CR1: variants seen among roughly 807,000 people sequenced by gnomAD.
CR1 encodes the protein complement receptor type 1.
A neutral mutation model predicts 187.3 loss-of-function variants in CR1; 116 were observed. The observed-to-expected ratio is 0.62, with a 90% CI of 0.53 to 0.72. The LOEUF is 0.72. CR1 is among the 30% of genes least tolerant of loss of function. CR1 has a pLI of 0.00. For synonymous variants in CR1, 576 were observed against 747.1 expected, an observed-to-expected ratio of 0.77 and a Z score of 3.73; for missense variants, 1,731 against 2,110.7, an observed-to-expected ratio of 0.82 and a Z score of 3.52.
chr1:207,522,840 A>G (rs1660038733), intron 4 of CR1, among the ~76,000 whole-genome samples: 3 of 152,190 alleles, frequency 2.0e-5, no homozygotes. Flanking sequence ...ATTTGGGTTG[A>G]AGAAATTTTG....
intron 4 of CR1, among the ~76,000 whole-genome samples, chr1:207,521,370 TTCTC>T (rs958203530): frequency 4.6e-5 from 7 of 152,098 alleles, no homozygotes; most frequent in African/African-American, 1.4e-4. Context: ...TTATGCTCAG[TTCTC>T]TCTCTCTTCT....
At chr1:207,517,739 GA>G (rs1468608675) in intron 4 of CR1, among the ~76,000 whole-genome samples, 1 of 151,916 alleles carries the variant, frequency 6.6e-6, no homozygotes, top group Non-Finnish European at 1.5e-5. Flanking sequence ...ATTTTTCAAG[GA>G]ATTTACTCAT....
chr1:207,607,500 G>T (rs1661786910), intron 36 of CR1, among the ~76,000 whole-genome samples, 164 bp downstream of exon 36: 1 of 152,114 alleles, frequency 6.6e-6, no homozygotes, highest in East Asian at 1.9e-4. Flanking sequence ...TATCTTAAAA[G>T]GTGATTTATC....
At chr1:207,525,690 T>G (rs1660146038) in intron 5 of CR1, among the ~76,000 whole-genome samples, 1 of 151,948 alleles carries the variant, frequency 6.6e-6, no homozygotes, top group African/African-American at 2.4e-5. Flanking sequence ...GTTTTAAGGC[T>G]TCCTTTGCTA....
chr1:207,636,760 A>C (rs563599899), intron 46 of CR1, among the ~76,000 whole-genome samples: 1 of 152,370 alleles, frequency 6.6e-6, no homozygotes, highest in South Asian at 2.1e-4. Context: ...GGCTTTTAAT[A>C]CTTCAGTCAA....
chr1:207,582,987 A>C (rs372431394), intron 32 of CR1, among the ~76,000 whole-genome samples: 1 of 152,170 alleles, frequency 6.6e-6, no homozygotes, highest in Non-Finnish European at 1.5e-5. Flanking sequence ...CAGGCTGCCC[A>C]TAGATATGTA....
intron 45 of CR1, among the ~76,000 whole-genome samples, chr1:207,626,364 T>C (rs1446185996): frequency 6.6e-6 from 1 of 152,224 alleles, no homozygotes; most frequent in Non-Finnish European, 1.5e-5. Context: ...TGATTAATCA[T>C]GCAGTCATAC....
chr1:207,591,438 C>T (rs961164299), intron 35 of CR1, among the ~76,000 whole-genome samples: 1 of 152,134 alleles, frequency 6.6e-6, no homozygotes, highest in African/African-American at 2.4e-5. Flanking sequence ...ATCTCTGGGA[C>T]ACAGCCAAAG....
At chr1:207,518,839 C>A (rs1357184240) in intron 4 of CR1, among the ~76,000 whole-genome samples, 1 of 152,198 alleles carries the variant, frequency 6.6e-6, no homozygotes, top group African/African-American at 2.4e-5. Context: ...TACAAAGACT[C>A]TCCAAACTGG....
chr1:207,580,604 G>A lies in CR1; in HGVS notation c.5207G>A (p.Cys1736Tyr), dbSNP rs778163453. 9.9e-6 allele frequency: 16 copies of A among 1,612,438 alleles called. No homozygotes were observed. The highest frequency in any genetic ancestry group is 1.3e-5 in the African/African-American group (1 of 74,574). Residue 1736 changes from cysteine to tyrosine, a missense_variant, in exon 31 of 47, where the codon TGT becomes TAT. Physicochemically the swap from Cys to Tyr is radical, Grantham distance 194. Transcript: ENST00000367049. ...CTTGGGGCAAAGGTGTCCTTTGTCT[G>A]TGATGAAGGGTAAGTGTGACCCAGA... ...LQLGAKVSFVCDEGFRLKGSS... is the reference protein window; with the variant it reads ...LQLGAKVSFVYDEGFRLKGSS...
At position 207,506,004 on chromosome 1, in the gene CR1, C is replaced by A. The variant is rs748965603; in HGVS notation, c.222C>A (p.Arg74=). ...PIGTYLNYEC[R]PGYSGRPFSI... ...GGACATATCTGAACTATGAATGCCGCCCTGGTTATTCCGGAAGACCGTTTT... is the reference window on the plus strand; with the variant it reads ...GGACATATCTGAACTATGAATGCCGACCTGGTTATTCCGGAAGACCGTTTT... The change falls in exon 2 of 47, where the codon CGC becomes CGA. Residue 74 remains arginine (R), a synonymous_variant. Coordinates refer to ENST00000367049, the MANE Select transcript of CR1 (RefSeq NM_000651.6). The A allele has an allele frequency of 2.2e-5, 35 of 1,613,878 alleles. No homozygotes were observed. The South Asian group carries it at 3.5e-4, about 16-fold the overall frequency.
intron 5 of CR1, among the ~76,000 whole-genome samples, chr1:207,524,586 C>T (rs1660109079): frequency 6.6e-6 from 1 of 152,080 alleles, no homozygotes; most frequent in South Asian, 2.1e-4. Flanking sequence ...TAGAGTCTCA[C>T]CATGTTGCCC....
chr1:207,633,120 C>A (rs1309774015), intron 46 of CR1, among the ~76,000 whole-genome samples: 1 of 152,148 alleles, frequency 6.6e-6, no homozygotes. Context: ...ACTTTTCCGC[C>A]TTTCTTTCTA....
chr1:207,589,254 A>G (rs1661198912), intron 35 of CR1, among the ~76,000 whole-genome samples: 1 of 152,106 alleles, frequency 6.6e-6, no homozygotes, highest in African/African-American at 2.4e-5. Flanking sequence ...CTTGCTCTTG[A>G]CTTCTCCTTG....
intron 35 of CR1, among the ~76,000 whole-genome samples, chr1:207,602,909 A>G (rs1232094378): frequency 6.6e-6 from 1 of 152,150 alleles, no homozygotes; most frequent in Non-Finnish European, 1.5e-5. Flanking sequence ...CAACAGAAAC[A>G]AAATCATCTA....
At chr1:207,624,995 A>G (rs1030948083) in intron 45 of CR1, among the ~76,000 whole-genome samples, 7 of 152,216 alleles carry the variant, frequency 4.6e-5, no homozygotes, top group African/African-American at 1.7e-4. Flanking sequence ...CCTTCTAACT[A>G]TGTCATTCTT....
chr1:207,499,289 C>T (rs1329019904), intron 1 of CR1, among the ~76,000 whole-genome samples: 2 of 152,038 alleles, frequency 1.3e-5, no homozygotes, highest in Admixed American at 1.3e-4. Context: ...GATAAAGGGG[C>T]CAATTATCCA....
chr1:207,606,135 C>T (rs1053083248), intron 35 of CR1, among the ~76,000 whole-genome samples: 1 of 152,224 alleles, frequency 6.6e-6, no homozygotes. Flanking sequence ...CACTTTGCTA[C>T]TCTGACCTCT....
At chr1:207,613,863 TTA>T (rs1034108887) in intron 39 of CR1, among the ~76,000 whole-genome samples, 27 of 152,282 alleles carry the variant, frequency 1.8e-4, no homozygotes, top group African/African-American at 6.5e-4. Context: ...TCTTTTTTTC[TTA>T]GAGCACGTGG....
Sources: gnomAD v4.1 joint callset for allele counts (sites outside exome capture counted in the v4.1 genomes callset) on GRCh38, gnomAD v4.1.1 for gene constraint, MANE v1.5 for transcripts, NCBI Gene and HGNC (gene_info 2026-07-23, HGNC 2026-07-21) for gene names.